Variants in CIBAR2 observed in about 807,000 individuals in gnomAD.
The protein encoded by CIBAR2 is CBY1 interacting BAR domain containing 2, also known as CBY1-interacting BAR domain-containing protein 2.
CIBAR2 carries 38 observed loss-of-function variants against 36.2 expected under a neutral mutation model. That is an observed-to-expected ratio of 1.05 (90% confidence interval 0.81 to 1.38). The LOEUF (loss-of-function observed/expected upper bound fraction) is 1.38, where lower values mean the gene tolerates loss of function less well. Ranked by LOEUF, CIBAR2 falls within the 40% of genes most tolerant of loss-of-function variation. CIBAR2 has a pLI of 0.00. For synonymous variants in CIBAR2, 182 were observed against 149.5 expected (o/e 1.22, Z -1.58); for missense variants, 481 against 383.4 (o/e 1.25, Z -2.13).
At chr16:85,110,710 T>A (rs1418780003) in intron 1 of CIBAR2, among the ~76,000 whole-genome samples, 1 of 136,190 alleles carries the variant, frequency 7.3e-6, no homozygotes, top group Non-Finnish European at 1.6e-5. Context: ...TGGCCTTTTT[T>A]TTTTTTTTTT....
Position 85,112,412 on chromosome 16 carries a change from TGCAGGCCTGGGAGGAGCCGG to T in CIBAR2, c.-80_-61del. 6.4e-7 allele frequency: 1 copy of T among 1,560,344 alleles called. No individual in the cohort carries two copies. The highest frequency in any genetic ancestry group is 8.8e-7 in the Non-Finnish European group (1 of 1,131,478). On this transcript the variant is annotated 5_prime_UTR_variant, in exon 1 of 9. Transcript: ENST00000539556. The stretch of plus-strand genomic sequence containing the variant: ...AATAAGGACAGGGCCCCAGGGGTCC[TGCAGGCCTGGGAGGAGCCGG>T]GCAGGGCTGGGTGCAGCTGTGTGGC...
At chr16:85,107,045 G>C (rs901960585) in intron 5 of CIBAR2, among the ~76,000 whole-genome samples, 2 of 152,228 alleles carry the variant, frequency 1.3e-5, no homozygotes, top group East Asian at 3.9e-4. Context: ...GTTGGGGAGG[G>C]TGAGGTAGGA....
chr16:85,110,839 G>A (rs2074037120), intron 1 of CIBAR2, among the ~76,000 whole-genome samples: 1 of 151,514 alleles, frequency 6.6e-6, no homozygotes, highest in South Asian at 2.1e-4. Context: ...TGAGTAGGTG[G>A]GATTACAGGC....
chr16:85,101,777 C>A (rs1374085898), intron 7 of CIBAR2, among the ~76,000 whole-genome samples: 2 of 151,890 alleles, frequency 1.3e-5, no homozygotes, highest in Non-Finnish European at 2.9e-5. Flanking sequence ...TCAAGCGATT[C>A]TCCTGCCTCA....
rs370219864 is a variant in CIBAR2 at position 85,107,861 on chromosome 16, C to A, written c.411G>T (p.Ser137=). The change falls in exon 4 of 9, where the codon TCG becomes TCT. Residue 137 remains serine (S), a synonymous_variant. Transcript: ENST00000539556. ...KLEKLRQKSP[S]DQQMISQAET... is the part of the protein sequence containing the mutation. ...GGAAGGATACGATCATTTGCTGATC[C>A]GAGGGTGACTTCTGCCTCAGTTTCT... is the stretch of plus-strand genomic sequence containing the variant. The A allele has an allele frequency of 6.2e-7, 1 of 1,613,636 alleles. No individual in the cohort carries two copies. The highest frequency in any genetic ancestry group is 1.3e-5 in the African/African-American group (1 of 74,922).
At chr16:85,100,323 G>C (rs761023061) in intron 7 of CIBAR2, 83 bp from the exon 8 acceptor site, 51 of 815,114 alleles carry the variant, frequency 6.3e-5, no homozygotes, top group Admixed American at 2.0e-4. Flanking sequence ...AGACGGTGGG[G>C]ACGAGAAGGC....
Position 85,098,524 on chromosome 16 carries a change from T to A in CIBAR2, c.*661A>T. On this transcript the variant is annotated 3_prime_UTR_variant, in exon 9 of 9. Transcript: ENST00000539556. ...GCACACAGCAGAGCCCACCTGAGGA[T>A]CCAAGGCCAGCTAAGTTCTTCTGAC... 1.0e-6 allele frequency: 1 copy of A among 986,172 alleles called. No homozygotes were observed. Among genetic ancestry groups the A allele is most frequent in the Non-Finnish European group, 1.2e-6 (1 of 830,214 alleles). The allele number at this position is 986,172 out of a possible 1,614,324, so 61.1% of individuals were successfully genotyped here.
At chr16:85,107,294 A>G (rs923519951) in intron 5 of CIBAR2, among the ~76,000 whole-genome samples, 1 of 152,132 alleles carries the variant, frequency 6.6e-6, no homozygotes, top group African/African-American at 2.4e-5. Flanking sequence ...GGACAGTAAG[A>G]CAGACAGCAT....
chr16:85,099,230 C>T lies in CIBAR2; in HGVS notation c.870G>A (p.Val290=), dbSNP rs1485991730. ...WVVKGQPAHC[V]CGQGGHLMLP... ...GCATGAGATGCCCACCCTGCCCACA[C>T]ACACAGTGGGCTGGCTGCCCCTTAA... The change falls in exon 9 of 9, where the codon GTG becomes GTA. Residue 290 remains valine (V), a synonymous_variant. Transcript: ENST00000539556. 1 of 1,610,096 alleles carries T rather than the reference C, an allele frequency of 6.2e-7. No homozygotes were observed. The highest frequency in any genetic ancestry group is 8.5e-7 in the Non-Finnish European group (1 of 1,178,204).
rs549068148 is a variant in CIBAR2 at position 85,108,211 on chromosome 16, G to A, written c.256-112C>T. On this transcript the variant is annotated intron_variant, in intron 2 of 8. Coordinates refer to ENST00000539556, the MANE Select transcript of CIBAR2 (RefSeq NM_198491.3). ...AGCCGCGTGTCCAGAGCTGTGCGGC[G>A]GGAGGTGGAGCGCGAGGTGCCCTCC... 230 of 1,007,202 alleles carry A rather than the reference G, an allele frequency of 2.3e-4. 1 individual carries two copies. The Admixed American group carries it at 3.0e-3, about 13-fold the overall frequency. The allele number at this position is 1,007,202 out of a possible 1,614,324, so 62.4% of individuals were successfully genotyped here. A position where few individuals can be genotyped will look rare whatever the true frequency, so the allele number is the denominator to read the frequency against.
At chr16:85,100,854 T>G (rs569629674) in intron 7 of CIBAR2, among the ~76,000 whole-genome samples, 1 of 152,296 alleles carries the variant, frequency 6.6e-6, no homozygotes, top group Non-Finnish European at 1.5e-5. Context: ...AAGACCATCC[T>G]GGCTAACACG....
intron 1 of CIBAR2, 129 bp downstream of exon 1, chr16:85,112,204 G>C (rs1324900445): frequency 1.3e-6 from 1 of 756,658 alleles, no homozygotes; most frequent in Admixed American, 2.0e-5. Context: ...CCGTGGGAGG[G>C]AGAGCTCCCC....
chr16:85,111,305 A>G (rs898919760), intron 1 of CIBAR2, among the ~76,000 whole-genome samples: 1 of 152,108 alleles, frequency 6.6e-6, no homozygotes, highest in Non-Finnish European at 1.5e-5. Context: ...CTCCACATGC[A>G]CCGCCCTATA....
chr16:85,110,760 A>G (rs2074036556), intron 1 of CIBAR2, among the ~76,000 whole-genome samples: 2 of 136,286 alleles, frequency 1.5e-5, no homozygotes, highest in Non-Finnish European at 3.1e-5. Flanking sequence ...GCTGGAGTGC[A>G]GTGGTATGAT....
chr16:85,105,842 T>C (rs975576416), intron 5 of CIBAR2, among the ~76,000 whole-genome samples: 11 of 152,218 alleles, frequency 7.2e-5, no homozygotes, highest in Non-Finnish European at 1.2e-4. Flanking sequence ...ATTAACTCTT[T>C]CGTTCCTTTG....
chr16:85,110,245 T>C lies in CIBAR2; in HGVS notation c.236A>G (p.Gln79Arg). ...ACTCACCTGGGCCTGCCGGTAATCC[T>C]GCACTTTGGCCAGGTCCTCAGCGAA... ...RGFAEDLAKV[Q>R]DYRQAQVERL... The change falls in exon 2 of 9, where the codon CAG becomes CGG. Residue 79 changes from glutamine to arginine, a missense_variant. Transcript: ENST00000539556. 1 of 1,577,296 alleles carries C rather than the reference T, an allele frequency of 6.3e-7. No individual in the cohort carries two copies. The highest frequency in any genetic ancestry group is 8.6e-7 in the Non-Finnish European group (1 of 1,158,248).
At chr16:85,102,115 T>C in intron 7 of CIBAR2, 99 bp downstream of exon 7, 1 of 700,816 alleles carries the variant, frequency 1.4e-6, no homozygotes, top group East Asian at 2.5e-5. Flanking sequence ...TTAGAAAAGT[T>C]GTGAAATGTT....
chr16:85,110,353 C>G lies in CIBAR2; in HGVS notation c.128G>C (p.Arg43Pro). 6.2e-7 allele frequency: 1 copy of G among 1,613,474 alleles called. No individual in the cohort carries two copies. Among genetic ancestry groups the G allele is most frequent in the Non-Finnish European group, 8.5e-7 (1 of 1,179,784 alleles). Residue 43 changes from arginine (R) to proline (P), a missense_variant, in exon 2 of 9, where the codon CGG (arginine) becomes CCG (proline). Physicochemically the swap from Arg to Pro is moderately radical, Grantham distance 103 (BLOSUM62 -2). Transcript: ENST00000539556. ...CTTGACCAGCTGGTCCGCCTTGTCCCGCAGCCGGGCCGTCTTGCGCGTGTA... is the reference window on the plus strand; with the variant it reads ...CTTGACCAGCTGGTCCGCCTTGTCCGGCAGCCGGGCCGTCTTGCGCGTGTA... ...AAYTRKTARL[R>P]DKADQLVKQL...
chr16:85,101,000 A>C (rs916486541), intron 7 of CIBAR2, among the ~76,000 whole-genome samples: 3 of 151,082 alleles, frequency 2.0e-5, no homozygotes, highest in Non-Finnish European at 1.5e-5. Flanking sequence ...GAGCCGAGAT[A>C]GTGCCACTGC....
Sources: gnomAD v4.1 joint callset for allele counts (sites outside exome capture counted in the v4.1 genomes callset) on GRCh38, gnomAD v4.1.1 for gene constraint, MANE v1.5 for transcripts, NCBI Gene and HGNC (gene_info 2026-07-23, HGNC 2026-07-21) for gene names.